Variants in HUNK observed in about 807,000 individuals in gnomAD.
The protein encoded by HUNK is hormonally up-regulated neu tumor-associated kinase.
A neutral mutation model predicts 61.0 loss-of-function variants in HUNK; 21 were observed. That is an observed-to-expected ratio of 0.34 (90% CI 0.24 to 0.50). The LOEUF is 0.50. Among genes scored for constraint, HUNK ranks in the 20% least tolerant of loss-of-function variants. HUNK has a pLI of 0.98. For synonymous variants in HUNK, 371 were observed against 386.1 expected, an observed-to-expected ratio of 0.96 and a Z score of 0.46; for missense variants, 772 against 945.7, an observed-to-expected ratio of 0.82 and a Z score of 2.41.
intron 3 of HUNK, among the ~76,000 whole-genome samples, chr21:31,943,475 C>T (rs1419337877): frequency 6.6e-6 from 1 of 152,296 alleles, no homozygotes; most frequent in Non-Finnish European, 1.5e-5. Flanking sequence ...CTCTCAAGTT[C>T]CACAATTCCA....
intron 1 of HUNK, among the ~76,000 whole-genome samples, chr21:31,896,203 C>A (rs747336478): frequency 2.6e-5 from 4 of 152,148 alleles, no homozygotes; most frequent in South Asian, 2.1e-4. Flanking sequence ...TTGGAGCTGC[C>A]CAGTCTATAA....
At chr21:31,898,205 GGGC>G (rs2052438922) in intron 1 of HUNK, among the ~76,000 whole-genome samples, 1 of 6 alleles carries the variant, frequency 0.17, no homozygotes, top group Admixed American at 0.5. Flanking sequence ...AACCCCACCT[GGGC>G]AAAACCATTT....
intron 3 of HUNK, among the ~76,000 whole-genome samples, chr21:31,942,043 C>G (rs1423318816): frequency 6.6e-6 from 1 of 152,206 alleles, no homozygotes; most frequent in African/African-American, 2.4e-5. Context: ...ACCCCCGTCT[C>G]TATTAAAAAT....
At chr21:31,979,801 C>A (rs567452317) in intron 7 of HUNK, among the ~76,000 whole-genome samples, 16 of 152,246 alleles carry the variant, frequency 1.1e-4, no homozygotes, top group Admixed American at 6.5e-4. Flanking sequence ...AGGCATAAGC[C>A]ACCACGCCCA....
chr21:31,937,170 G>T (rs1314704617), intron 2 of HUNK, among the ~76,000 whole-genome samples: 1 of 152,190 alleles, frequency 6.6e-6, no homozygotes, highest in Non-Finnish European at 1.5e-5. Context: ...CAGAAAAGAA[G>T]AAGTGCCTTA....
intron 1 of HUNK, among the ~76,000 whole-genome samples, chr21:31,885,506 C>G (rs1300845129): frequency 6.6e-6 from 1 of 152,206 alleles, no homozygotes; most frequent in Non-Finnish European, 1.5e-5. Context: ...TGCCATAAGA[C>G]AGCACCACAG....
chr21:31,957,694 A>G (rs2052898995), intron 4 of HUNK, among the ~76,000 whole-genome samples: 1 of 152,312 alleles, frequency 6.6e-6, no homozygotes, highest in Admixed American at 6.5e-5. Context: ...AAGATCCTCT[A>G]AGAAGATGTT....
Position 31,999,142 on chromosome 21 carries a change from C to T in HUNK, c.2103C>T (p.Asn701=). The change falls in exon 11 of 11, where the codon AAC becomes AAT. Residue 701 remains asparagine, a synonymous_variant. Coordinates refer to ENST00000270112, the MANE Select transcript of HUNK (RefSeq NM_014586.2). ...CACTGCAGCCCCTAGCCCCTGTGAA[C>T]CTTGCCTTTGACATGGCCGATGGGG... The part of the protein sequence containing the change: ...LPPLQPLAPV[N]LAFDMADGVK... The T allele has an allele frequency of 6.2e-7, 1 of 1,613,278 alleles. No homozygotes were observed. The highest frequency in any genetic ancestry group is 8.5e-7 in the Non-Finnish European group (1 of 1,179,550).
intron 4 of HUNK, among the ~76,000 whole-genome samples, chr21:31,958,037 G>T (rs1238406220): frequency 6.6e-6 from 1 of 152,120 alleles, no homozygotes; most frequent in East Asian, 1.9e-4. Context: ...GTACCACCTT[G>T]TAAGCCATCC....
At chr21:31,921,409 G>C (rs1008123326) in intron 1 of HUNK, among the ~76,000 whole-genome samples, 2 of 151,334 alleles carry the variant, frequency 1.3e-5, no homozygotes, top group Non-Finnish European at 2.9e-5. Flanking sequence ...CTCTGGTAGG[G>C]AGGTTAGCCT....
chr21:31,906,497 C>G (rs764041778), intron 1 of HUNK, among the ~76,000 whole-genome samples: 1 of 152,116 alleles, frequency 6.6e-6, no homozygotes, highest in East Asian at 1.9e-4. Flanking sequence ...TGCAGTGGCA[C>G]GATCTCAGCT....
chr21:31,922,120 G>A (rs2009041), intron 1 of HUNK, among the ~76,000 whole-genome samples: 8,724 of 151,822 alleles, frequency 0.057, 834 homozygotes, highest in African/African-American at 0.2. Context: ...AGGTTCAAGC[G>A]ATTCTCCTGC....
At chr21:31,897,511 A>G (rs557088266) in intron 1 of HUNK, among the ~76,000 whole-genome samples, 1 of 152,278 alleles carries the variant, frequency 6.6e-6, no homozygotes, top group South Asian at 2.1e-4. Flanking sequence ...TTTTCCATTT[A>G]ATAAAGACAC....
At chr21:31,987,722 C>G (rs2053143717) in intron 8 of HUNK, among the ~76,000 whole-genome samples, 1 of 152,192 alleles carries the variant, frequency 6.6e-6, no homozygotes, top group South Asian at 2.1e-4. Flanking sequence ...TAAATGACAG[C>G]TATTACCAGA....
chr21:31,916,043 CTTTTTTTTTT>C (rs34245381), intron 1 of HUNK, among the ~76,000 whole-genome samples: 2 of 81,772 alleles, frequency 2.4e-5, no homozygotes, highest in Non-Finnish European at 4.2e-5. Flanking sequence ...TAAGTGCTTT[CTTTTTTTTTT>C]TTTTTTTTTT....
intron 4 of HUNK, among the ~76,000 whole-genome samples, chr21:31,957,486 C>G (rs2052897443): frequency 6.6e-6 from 1 of 152,154 alleles, no homozygotes; most frequent in Non-Finnish European, 1.5e-5. Context: ...TCAGAGGTGC[C>G]TCTGTGGAAT....
chr21:31,986,272 G>A (rs1178678002), intron 8 of HUNK, among the ~76,000 whole-genome samples: 1 of 151,480 alleles, frequency 6.6e-6, no homozygotes, highest in Non-Finnish European at 1.5e-5. Flanking sequence ...AAACCCAAGA[G>A]TCCTTGACTT....
chr21:31,918,933 G>A (rs1421110563), intron 1 of HUNK, among the ~76,000 whole-genome samples: 1 of 152,100 alleles, frequency 6.6e-6, no homozygotes, highest in East Asian at 1.9e-4. Context: ...CCAAGGCCTG[G>A]GCTGGACTGA....
At position 31,957,020 on chromosome 21, in the gene HUNK, C is replaced by T. The variant is rs75191811; in HGVS notation, c.747-1823C>T. Among the ~76,000 whole-genome samples the T allele has an allele frequency of 8.8e-3, 1,343 of 152,298 alleles. 26 individuals are homozygous for T. Among genetic ancestry groups the T allele is most frequent in the African/African-American group, 0.029 (1,193 of 41,546 alleles). ...CCAGCCAGCCAAAGACACATGAGCTCACACACATGCAGTCACTACCTGTGT... is the reference window on the plus strand; with the variant it reads ...CCAGCCAGCCAAAGACACATGAGCTTACACACATGCAGTCACTACCTGTGT... On this transcript the variant is annotated intron_variant, in intron 4 of 10. Transcript: ENST00000270112.
Sources: allele counts gnomAD v4.1 joint callset (sites outside exome capture counted in the v4.1 genomes callset), GRCh38; gene constraint gnomAD v4.1.1; transcripts MANE v1.5; gene names NCBI Gene and HGNC (gene_info 2026-07-23, HGNC 2026-07-21).